The following RTN1 variants were observed in gnomAD, a reference collection of about 807,000 sequenced individuals.
RTN1 encodes the protein reticulon 1, also known as reticulon-1.
RTN1 carries 25 observed loss-of-function variants against 65.5 expected under a neutral mutation model. The ratio of observed to expected loss-of-function variants is 0.38; its 90% CI spans 0.28 to 0.53. RTN1 has a LOEUF of 0.53. RTN1 is among the 20% of genes least tolerant of loss of function. The probability of loss-of-function intolerance (pLI) is 0.79; values close to 1 mark genes in which losing one functional copy is unlikely to be tolerated. For missense variants in RTN1, 983 were observed against 1,025.4 expected, an observed-to-expected ratio of 0.96 and a Z score of 0.57; for synonymous variants, 471 against 447.6, an observed-to-expected ratio of 1.05 and a Z score of -0.66.
chr14:59,777,846 A>AACACAC (rs36006273), intron 1 of RTN1, among the ~76,000 whole-genome samples: 4 of 150,028 alleles, frequency 2.7e-5, no homozygotes, highest in Admixed American at 6.6e-5. Context: ...AAAACAACAA[A>AACACAC]ACACACACAC....
At chr14:59,606,127 T>TA (rs1566658130) in intron 4 of RTN1, 1 of 45,374 alleles carries the variant, frequency 2.2e-5, no homozygotes, top group African/African-American at 4.5e-5. Flanking sequence ...TATATATATA[T>TA]CATACCAGCT....
chr14:59,612,558 T>C (rs1383483053), intron 3 of RTN1, among the ~76,000 whole-genome samples: 4 of 152,218 alleles, frequency 2.6e-5, no homozygotes, highest in Non-Finnish European at 4.4e-5. Flanking sequence ...AATTTGTCTT[T>C]CTGTGTTCTG....
intron 1 of RTN1, among the ~76,000 whole-genome samples, chr14:59,756,617 T>C (rs895520841): frequency 4.6e-5 from 7 of 152,210 alleles, no homozygotes; most frequent in African/African-American, 1.4e-4. Context: ...CCCAAACATC[T>C]TTCTATTTAT....
At chr14:59,632,395 T>C (rs1882573779) in intron 3 of RTN1, among the ~76,000 whole-genome samples, 1 of 152,200 alleles carries the variant, frequency 6.6e-6, no homozygotes, top group African/African-American at 2.4e-5. Flanking sequence ...GACTGGTATA[T>C]GATGATAGCC....
intron 1 of RTN1, among the ~76,000 whole-genome samples, chr14:59,834,295 G>C (rs1234044009): frequency 6.6e-6 from 1 of 152,076 alleles, no homozygotes; most frequent in African/African-American, 2.4e-5. Context: ...TGTCACCTTT[G>C]GTTAGGCAAA....
chr14:59,749,846 T>C (rs1303489297), intron 1 of RTN1, among the ~76,000 whole-genome samples: 3 of 113,852 alleles, frequency 2.6e-5, no homozygotes, highest in Non-Finnish European at 5.0e-5. Context: ...TGTATATTTA[T>C]ATATATATCT....
intron 1 of RTN1, among the ~76,000 whole-genome samples, chr14:59,753,759 G>T (rs866398787): frequency 9.2e-5 from 14 of 152,154 alleles, no homozygotes; most frequent in African/African-American, 3.1e-4. Flanking sequence ...ACCTGAGAGA[G>T]CACAAGCCAT....
intron 1 of RTN1, among the ~76,000 whole-genome samples, chr14:59,826,986 A>C (rs1013876180): frequency 6.6e-6 from 1 of 152,216 alleles, no homozygotes; most frequent in Admixed American, 6.5e-5. Flanking sequence ...TTGGGCTGGT[A>C]GCTGGATGAC....
chr14:59,653,453 T>A (rs1350302034), intron 3 of RTN1, among the ~76,000 whole-genome samples: 1 of 152,140 alleles, frequency 6.6e-6, no homozygotes, highest in African/African-American at 2.4e-5. Context: ...CTAAAATTCA[T>A]AGAAACAAAG....
chr14:59,746,636 G>A (rs1412485892), intron 1 of RTN1, among the ~76,000 whole-genome samples, 155 bp from the exon 2 acceptor site: 1 of 152,060 alleles, frequency 6.6e-6, no homozygotes, highest in East Asian at 1.9e-4. Context: ...GCACCAGCAT[G>A]TTAAATTTCC....
At chr14:59,758,315 T>C (rs1885680555) in intron 1 of RTN1, among the ~76,000 whole-genome samples, 1 of 152,154 alleles carries the variant, frequency 6.6e-6, no homozygotes, top group Non-Finnish European at 1.5e-5. Flanking sequence ...GCAGCACTAT[T>C]ACCATGTCAC....
chr14:59,708,413 A>T (rs1884345004), intron 3 of RTN1, among the ~76,000 whole-genome samples: 1 of 152,226 alleles, frequency 6.6e-6, no homozygotes, highest in South Asian at 2.1e-4. Context: ...GACATTGCAT[A>T]AGGTGTAAAC....
intron 1 of RTN1, among the ~76,000 whole-genome samples, chr14:59,779,618 G>A (rs915166224): frequency 2.6e-5 from 4 of 151,884 alleles, no homozygotes. Flanking sequence ...AGCACGTGAG[G>A]AAAATCATAC....
chr14:59,706,856 A>T (rs1313094575), intron 3 of RTN1, among the ~76,000 whole-genome samples: 1 of 152,224 alleles, frequency 6.6e-6, no homozygotes, highest in Admixed American at 6.5e-5. Context: ...GATTGACAGG[A>T]TTTGTAGCTG....
At chr14:59,780,553 C>T (rs576585153) in intron 1 of RTN1, among the ~76,000 whole-genome samples, 1 of 152,298 alleles carries the variant, frequency 6.6e-6, no homozygotes, top group South Asian at 2.1e-4. Flanking sequence ...GGAGCATAAT[C>T]ATTTTAAGTG....
rs138285482 is a variant in RTN1, at chr14:59,825,313, G to T, written c.241+45077C>A. On this transcript the variant is annotated intron_variant, in intron 1 of 8. Transcript: ENST00000267484. This position sits in a 1 kb window ranked among gnomAD's most constrained non-coding sequence, Gnocchi z 4.2. ...TCACCATCTTGTATCTGACCTCTGG[G>T]TTACCTGGTCTATGGCCTTTGTTTA... is the stretch of plus-strand genomic sequence containing the variant. 9.2e-5 allele frequency among the ~76,000 whole-genome samples: 14 copies of T among 152,292 alleles called. No individual in the cohort carries two copies. In the East Asian group the frequency reaches 2.7e-3, roughly 29 times the overall value.
intron 3 of RTN1, among the ~76,000 whole-genome samples, chr14:59,627,977 A>G (rs1409417067): frequency 6.9e-6 from 1 of 144,144 alleles, no homozygotes; most frequent in African/African-American, 2.5e-5. Context: ...GATCACACCC[A>G]TTTTTTTTTT....
chr14:59,713,731 G>T (rs1236997339), intron 3 of RTN1, among the ~76,000 whole-genome samples: 1 of 152,176 alleles, frequency 6.6e-6, no homozygotes, highest in Non-Finnish European at 1.5e-5. Context: ...TACTCACCTT[G>T]TGGTTATACA....
intron 1 of RTN1, among the ~76,000 whole-genome samples, chr14:59,822,508 A>T (rs1886961011): frequency 6.6e-6 from 1 of 152,130 alleles, no homozygotes; most frequent in Non-Finnish European, 1.5e-5. Flanking sequence ...TATCAGTTTC[A>T]TTCAGTTCTG....
Sources: gnomAD v4.1 joint callset for allele counts (sites outside exome capture counted in the v4.1 genomes callset) on GRCh38, gnomAD v4.1.1 for gene constraint, Gnocchi (gnomAD v3.1) non-coding constraint, MANE v1.5 for transcripts, NCBI Gene and HGNC (gene_info 2026-07-23, HGNC 2026-07-21) for gene names.